RSBN1: variants seen among roughly 807,000 people sequenced by gnomAD.
RSBN1 encodes lysine-specific demethylase 9.
Under a neutral mutation model 74.8 loss-of-function variants are expected in RSBN1, and 23 were observed. The observed-to-expected ratio is 0.31, with a 90% confidence interval of 0.22 to 0.44. The LOEUF is 0.44. Among genes scored for constraint, RSBN1 ranks in the 20% least tolerant of loss-of-function variants. The pLI is 1.00. For synonymous variants in RSBN1, 407 were observed against 379.6 expected (o/e 1.07, Z -0.84); for missense variants, 808 against 1,020.9 (o/e 0.79, Z 2.84).
chr1:113,771,308 G>A (rs1659880896), intron 4 of RSBN1, among the ~76,000 whole-genome samples: 1 of 152,026 alleles, frequency 6.6e-6, no homozygotes, highest in Non-Finnish European at 1.5e-5. Context: ...GAAATTTTCA[G>A]ACATATAATA....
intron 2 of RSBN1, among the ~76,000 whole-genome samples, chr1:113,787,086 T>C (rs1485862595): frequency 6.6e-6 from 1 of 152,198 alleles, no homozygotes; most frequent in East Asian, 1.9e-4. Flanking sequence ...ATTTATAACT[T>C]AGGAGAAATT....
intron 1 of RSBN1, among the ~76,000 whole-genome samples, chr1:113,810,266 C>A (rs1357990633): frequency 3.9e-5 from 6 of 152,054 alleles, no homozygotes; most frequent in Non-Finnish European, 7.4e-5. Flanking sequence ...GCACTTCATG[C>A]GAATTAACTG....
rs755464535 is a variant in RSBN1, at chr1:113,811,587, G to A, written c.703+123C>T. Reference sequence around the variant, plus strand: ...TCTGAAATCCAGGGTCCACCCCAGTGAGCTTAGAGAAGTACAGCAGCAGAA... The same window carrying A: ...TCTGAAATCCAGGGTCCACCCCAGTAAGCTTAGAGAAGTACAGCAGCAGAA... On this transcript the variant is annotated intron_variant, in intron 1 of 6. Transcript: ENST00000261441. 32 of 1,388,044 alleles carry A rather than the reference G, an allele frequency of 2.3e-5. 1 individual carries two copies. Among genetic ancestry groups the A allele is most frequent in the African/African-American group, 7.4e-5 (5 of 67,346 alleles). 86.0% of individuals were successfully genotyped at this position (1,388,044 alleles called of 1,614,324 possible).
chr1:113,767,008 A>G (rs1453215856), intron 6 of RSBN1, 91 bp downstream of exon 6: 1 of 678,630 alleles, frequency 1.5e-6, no homozygotes, highest in Admixed American at 3.1e-5. Context: ...TCACTATCCC[A>G]CATATCAGAC....
rs757329767 is a variant in RSBN1, at chr1:113,766,135, G to C, written c.2254C>G (p.Leu752Val). The change falls in exon 7 of 7, where the codon CTG becomes GTG. Residue 752 changes from leucine (L) to valine (V), a missense_variant. Coordinates refer to ENST00000261441, the MANE Select transcript of RSBN1 (RefSeq NM_018364.5). The part of the protein sequence containing the change: ...ESEEACTEIQ[L>V]LTTASSSFPP... ...AAAGATGATGAAGCAGTTGTTAACA[G>C]CTGAATCTCTGTGCATGCTTCTTCA... The C allele has an allele frequency of 2.5e-6, 4 of 1,614,004 alleles. No individual in the cohort carries two copies. The Admixed American group carries it at 6.7e-5, about 27-fold the overall frequency.
intron 1 of RSBN1, among the ~76,000 whole-genome samples, chr1:113,807,800 T>TAC (rs59928174): frequency 0.025 from 3,549 of 144,632 alleles, 96 homozygotes; most frequent in African/African-American, 0.072. Context: ...TGTATATGTA[T>TAC]ACACACACAC....
In RSBN1 at chr1:113,767,335, A is replaced by C; in HGVS notation, c.1827-128T>G. The C allele has an allele frequency of 8.7e-6, 4 of 457,820 alleles. No homozygotes were observed. The South Asian group carries it at 2.2e-4, about 25-fold the overall frequency. 28.4% of individuals were successfully genotyped at this position (457,820 alleles called of 1,614,324 possible). ...AATAGATGCATAGTTTCTAAGGACT[A>C]GGTATACAATTTTTTTTTAATTTGA... On this transcript the variant is annotated intron_variant, in intron 5 of 6. Transcript: ENST00000261441.
chr1:113,769,222 C>T (rs1366896605), intron 4 of RSBN1, among the ~76,000 whole-genome samples: 2 of 152,148 alleles, frequency 1.3e-5, no homozygotes, highest in East Asian at 3.8e-4. Context: ...CTCAGGGAGA[C>T]AGATTTGAGA....
chr1:113,794,798 C>T lies in RSBN1; in HGVS notation c.1377+2565G>A, dbSNP rs563824474. On this transcript the variant is annotated intron_variant, in intron 2 of 6. Transcript: ENST00000261441. ...TAATTGCTGGTTTACTCATCTCCCC[C>T]ACTAGACTGAGCTCATCAATTAGTC... is the stretch of plus-strand genomic sequence containing the variant. Among the ~76,000 whole-genome samples, 4 of 152,260 alleles carry T rather than the reference C, an allele frequency of 2.6e-5. No homozygotes were observed. In the East Asian group the frequency reaches 7.7e-4, roughly 29 times the overall value.
At chr1:113,777,501 G>A in intron 3 of RSBN1, 149 bp from the exon 4 acceptor site, 2 of 930,466 alleles carry the variant, frequency 2.1e-6, no homozygotes, top group Non-Finnish European at 3.1e-6. Context: ...ATATTAAAAA[G>A]AATAATTGAA....
intron 1 of RSBN1, among the ~76,000 whole-genome samples, chr1:113,800,253 A>C (rs1238990665): frequency 6.6e-6 from 1 of 152,222 alleles, no homozygotes; most frequent in Non-Finnish European, 1.5e-5. Context: ...ATTAAACTGT[A>C]ATAAGATAGC....
At chr1:113,777,571 A>C in intron 3 of RSBN1, 100 bp downstream of exon 3, 1 of 1,186,154 alleles carries the variant, frequency 8.4e-7, no homozygotes, top group Non-Finnish European at 1.2e-6. Flanking sequence ...ACACTGGATA[A>C]ATTTAATTTC....
At chr1:113,767,260 A>G (rs1659799413) in intron 5 of RSBN1, 53 bp from the exon 6 acceptor site, 1 of 1,051,442 alleles carries the variant, frequency 9.5e-7, no homozygotes, top group South Asian at 1.5e-5. Flanking sequence ...ATGAAAAATG[A>G]TGACAAATTT....
chr1:113,807,275 C>T (rs1283897732), intron 1 of RSBN1, among the ~76,000 whole-genome samples: 2 of 148,090 alleles, frequency 1.4e-5, no homozygotes, highest in Non-Finnish European at 3.0e-5. Flanking sequence ...GATCGTGCTA[C>T]TACACTCCAG....
intron 5 of RSBN1, among the ~76,000 whole-genome samples, chr1:113,767,461 T>C (rs955573169): frequency 3.3e-5 from 5 of 152,198 alleles, no homozygotes; most frequent in Non-Finnish European, 7.4e-5. Flanking sequence ...CTAGTTGCAT[T>C]TGCAGTCCTC....
intron 4 of RSBN1, among the ~76,000 whole-genome samples, chr1:113,773,281 T>C (rs927370850): frequency 6.6e-6 from 1 of 152,204 alleles, no homozygotes; most frequent in Admixed American, 6.5e-5. Context: ...TCCCAGCACT[T>C]TGGCAGGCCG....
rs1659742419 is a variant in RSBN1, at chr1:113,764,439, C to T, written c.*1541G>A. 4 of 152,612 alleles carry T rather than the reference C, an allele frequency of 2.6e-5. No homozygotes were observed. The highest frequency in any genetic ancestry group is 2.6e-4 in the Admixed American group (4 of 15,266). The allele number at this position is 152,612 out of a possible 1,614,324, so 9.5% of individuals were successfully genotyped here. ...TGATGGTTACTTTTCTATCGGTTTA[C>T]ACAGTGACCTCTATACTTTGCTAAT... On this transcript the variant is annotated 3_prime_UTR_variant, in exon 7 of 7. Transcript: ENST00000261441.
chr1:113,770,192 TC>T (rs1659861939), intron 4 of RSBN1, among the ~76,000 whole-genome samples: 1 of 152,186 alleles, frequency 6.6e-6, no homozygotes, highest in African/African-American at 2.4e-5. Context: ...GTTTCCTAGC[TC>T]CTAAGAAAGA....
rs1367065907 is a variant in RSBN1 at position 113,768,302 on chromosome 1, A to G, written c.1746T>C (p.His582=). 1.9e-6 allele frequency: 3 copies of G among 1,613,832 alleles called. No individual in the cohort carries two copies. In the East Asian group the frequency reaches 6.7e-5, roughly 36 times the overall value. Residue 582 remains histidine, a synonymous_variant, in exon 5 of 7, where the codon CAT becomes CAC. Transcript: ENST00000261441. ...CAAACCCCTGACCGACATGATCAGC[A>G]TGAGCTCTAGTCCTATCTTCAAAGA... ...EVLFEDRTRA[H]ADHVGQGFDW...
Sources: allele counts gnomAD v4.1 joint callset (sites outside exome capture counted in the v4.1 genomes callset), GRCh38; gene constraint gnomAD v4.1.1; transcripts MANE v1.5; gene names NCBI Gene and HGNC (gene_info 2026-07-23, HGNC 2026-07-21).